The following LRRC71 variants were observed in gnomAD, a reference collection of about 807,000 sequenced individuals.
LRRC71 encodes the protein leucine rich repeat containing 71.
LRRC71 carries 54 observed loss-of-function variants against 66.6 expected under a neutral mutation model. That is an observed-to-expected ratio of 0.81 (90% CI 0.65 to 1.02). The LOEUF (loss-of-function observed/expected upper bound fraction) is 1.02. LRRC71 is among the 50% of genes least tolerant of loss of function. The pLI is 0.00. For synonymous variants in LRRC71, 323 were observed against 303.9 expected (o/e 1.06, Z -0.65); for missense variants, 724 against 718.0 (o/e 1.01, Z -0.10).
rs1652892046 is a variant in LRRC71, at chr1:156,924,530, A to G, written c.417A>G (p.Ser139=). 6.4e-7 allele frequency: 1 copy of G among 1,551,410 alleles called. No homozygotes were observed. The highest frequency in any genetic ancestry group is 8.7e-7 in the Non-Finnish European group (1 of 1,146,966). Residue 139 remains serine (S), a synonymous_variant, in exon 3 of 15, where the codon TCA becomes TCG. Transcript: ENST00000337428. ...AGCTGGAGCAGGAGGACAGCAAGTC[A>G]GTGAAGGAAATCTACATCCGCGGTG... ...QVELEQEDSK[S]VKEIYIRGWK... is the part of the protein sequence containing the mutation.
rs201658972 is a variant in LRRC71 at position 156,925,102 on chromosome 1, G to A, written c.593+87G>A. 794 of 1,297,272 alleles carry A rather than the reference G, an allele frequency of 6.1e-4. 14 individuals are homozygous for A. In the East Asian group the frequency reaches 0.019, roughly 31 times the overall value. 80.4% of individuals were successfully genotyped at this position (1,297,272 alleles called of 1,614,324 possible). A position where few individuals can be genotyped will look rare whatever the true frequency, so the allele number is the denominator to read the frequency against. ...AGCAGTGTGGGGATGGAAGTGGCAG[G>A]TCCCAGCTCCTGTGGGCCTGCCTGG... is the stretch of plus-strand genomic sequence containing the variant. On this transcript the variant is annotated intron_variant, in intron 5 of 14. Transcript: ENST00000337428.
downstream of LRRC71, chr1:156,936,750 T>C (rs2101729158): frequency 6.5e-7 from 1 of 1,526,946 alleles, no homozygotes; most frequent in South Asian, 1.3e-5. Context: ...CTTAGTGATG[T>C]GTCCTCACGA....
rs746185801 is a variant in LRRC71, at chr1:156,932,580, C to T, written c.1563+35C>T. Reference sequence around the variant, plus strand: ...TTTCACTCTCTCCTGCTGAAGCAGACGTTGCCCCTATCAGCTGTCATACTA... The same window carrying T: ...TTTCACTCTCTCCTGCTGAAGCAGATGTTGCCCCTATCAGCTGTCATACTA... On this transcript the variant is annotated intron_variant, in intron 14 of 14. Coordinates refer to ENST00000337428, the MANE Select transcript of LRRC71 (RefSeq NM_144702.3). The T allele has an allele frequency of 3.8e-5, 61 of 1,613,962 alleles. 1 individual carries two copies. In the Middle Eastern group the frequency reaches 3.6e-3, roughly 96 times the overall value.
chr1:156,938,683 G>GA, the LRRC71 span: 1 of 548,148 alleles, frequency 1.8e-6, no homozygotes, highest in East Asian at 3.2e-5. Flanking sequence ...GCAGTGCAGA[G>GA]AACTTTCCAC....
chr1:156,937,986 C>T (rs1655863852), downstream of LRRC71, among the ~76,000 whole-genome samples: 1 of 152,170 alleles, frequency 6.6e-6, no homozygotes, highest in African/African-American at 2.4e-5. Context: ...GGAGGAAGGA[C>T]GTGGAGGGTT....
At position 156,929,724 on chromosome 1, in the gene LRRC71, A is replaced by G. The variant is rs1653984483; in HGVS notation, c.1235A>G (p.Lys412Arg). ...AAGGAAGATGCCACAAAGGCAGGCA[A>G]GGGGAGTAAGTGCGGGTGCCCCTGG... Reference protein sequence around the residue: ...PKKEDATKAGKGKVTIPEQKP... With the variant: ...PKKEDATKAGRGKVTIPEQKP... Residue 412 changes from lysine (K) to arginine (R), a missense_variant, in exon 11 of 15, where the codon AAG (lysine) becomes AGG (arginine). Lys to Arg is a conservative substitution (Grantham distance 26). Transcript: ENST00000337428. 1 of 1,563,062 alleles carries G rather than the reference A, an allele frequency of 6.4e-7. No individual in the cohort carries two copies. Among genetic ancestry groups the G allele is most frequent in the Non-Finnish European group, 8.7e-7 (1 of 1,153,954 alleles).
downstream of LRRC71, chr1:156,937,289 T>C (rs945508): frequency 0.58 from 938,625 of 1,613,742 alleles, 280,324 homozygotes; most frequent in East Asian, 0.87. Flanking sequence ...CTCAATGGTA[T>C]GGAAGATCAT....
At chr1:156,923,405 A>G (rs748984723) in intron 1 of LRRC71, among the ~76,000 whole-genome samples, 1 of 152,266 alleles carries the variant, frequency 6.6e-6, no homozygotes, top group African/African-American at 2.4e-5. Flanking sequence ...ATGAGTTAAT[A>G]TTTCTAAAGC....
chr1:156,936,800 A>C (rs1169903976), downstream of LRRC71: 4 of 1,609,094 alleles, frequency 2.5e-6, no homozygotes, highest in Non-Finnish European at 3.4e-6. Flanking sequence ...ACCGAGAGGG[A>C]CCTGGCTTCA....
chr1:156,927,419 G>T (rs1653370419), intron 6 of LRRC71, 77 bp from the exon 7 acceptor site: 1 of 1,516,382 alleles, frequency 6.6e-7, no homozygotes, highest in Admixed American at 2.0e-5. Flanking sequence ...GCCCCCTCAA[G>T]CGCTCAAGTC....
chr1:156,932,840 C>CT lies in LRRC71; in HGVS notation c.1564-9dup. On this transcript the variant is annotated splice_polypyrimidine_tract_variant and intron_variant, in intron 14 of 14. Transcript: ENST00000337428. ...TTCCTCTTGTCAGATGTCAGCCTTCCTTTTCTTTTCAGAAAAATTGCTTCG... is the reference window on the plus strand; with the variant it reads ...TTCCTCTTGTCAGATGTCAGCCTTCCTTTTTCTTTTCAGAAAAATTGCTTCG... 2 of 1,601,994 alleles carry CT rather than the reference C, an allele frequency of 1.2e-6. No individual in the cohort carries two copies. Among genetic ancestry groups the CT allele is most frequent in the Non-Finnish European group, 1.7e-6 (2 of 1,174,058 alleles).
chr1:156,927,486 G>A lies in LRRC71; in HGVS notation c.663-10G>A. 6.6e-7 allele frequency: 1 copy of A among 1,521,616 alleles called. No homozygotes were observed. The highest frequency in any genetic ancestry group is 8.8e-7 in the Non-Finnish European group (1 of 1,135,692). 94.3% of individuals were successfully genotyped at this position (1,521,616 alleles called of 1,614,324 possible). Reference sequence around the variant, plus strand: ...TCCAGCGACCCACATTCTCCCTCCGGCTGCCCCAGGATTGCGCACTTGTCT... The same window carrying A: ...TCCAGCGACCCACATTCTCCCTCCGACTGCCCCAGGATTGCGCACTTGTCT... On this transcript the variant is annotated splice_polypyrimidine_tract_variant and intron_variant, in intron 6 of 14. Coordinates refer to ENST00000337428, the MANE Select transcript of LRRC71 (RefSeq NM_144702.3).
intron 2 of LRRC71, 35 bp from the exon 3 acceptor site, chr1:156,924,389 G>A (rs1356868747): frequency 2.6e-6 from 4 of 1,541,126 alleles, no homozygotes; most frequent in African/African-American, 2.7e-5. Context: ...CCCTGGAGGT[G>A]GCTGTTCCCC....
intron 14 of LRRC71, 51 bp from the exon 15 acceptor site, chr1:156,932,802 G>A (rs1654586799): frequency 6.8e-7 from 1 of 1,461,280 alleles, no homozygotes; most frequent in Admixed American, 1.9e-5. Flanking sequence ...TTCTGCCAGA[G>A]GACTAATCTT....
rs781045891 is a variant in LRRC71 at position 156,927,490 on chromosome 1, C to A, written c.663-6C>A. 3.3e-6 allele frequency: 5 copies of A among 1,524,746 alleles called. No homozygotes were observed. The East Asian group carries it at 6.8e-5, about 21-fold the overall frequency. 94.5% of individuals were successfully genotyped at this position (1,524,746 alleles called of 1,614,324 possible). On this transcript the variant is annotated splice_region_variant and splice_polypyrimidine_tract_variant and intron_variant, in intron 6 of 14. Transcript: ENST00000337428. ...GCGACCCACATTCTCCCTCCGGCTG[C>A]CCCAGGATTGCGCACTTGTCTCTGC...
At chr1:156,926,786 G>C (rs1181704097) in intron 5 of LRRC71, among the ~76,000 whole-genome samples, 1 of 152,138 alleles carries the variant, frequency 6.6e-6, no homozygotes. Flanking sequence ...CTGTTGCCCA[G>C]GCTGGTCTCG....
the LRRC71 span, chr1:156,938,911 G>A: frequency 9.7e-6 from 2 of 205,774 alleles, no homozygotes; most frequent in Non-Finnish European, 9.6e-6. Flanking sequence ...TTCCCGGGGT[G>A]GGGACCTTCC....
chr1:156,930,139 C>T (rs1323062735), intron 11 of LRRC71, among the ~76,000 whole-genome samples: 2 of 133,994 alleles, frequency 1.5e-5, no homozygotes, highest in Non-Finnish European at 3.1e-5. Flanking sequence ...GTTGCCCAGG[C>T]TGGAGTGCAG....
downstream of LRRC71, among the ~76,000 whole-genome samples, chr1:156,937,729 G>C (rs1655789251): frequency 6.6e-6 from 1 of 152,194 alleles, no homozygotes; most frequent in Non-Finnish European, 1.5e-5. Flanking sequence ...GAGATGCTGA[G>C]CGATGAACTC....
Sources: allele counts gnomAD v4.1 joint callset (sites outside exome capture counted in the v4.1 genomes callset), GRCh38; gene constraint gnomAD v4.1.1; transcripts MANE v1.5; gene names NCBI Gene and HGNC (gene_info 2026-07-23, HGNC 2026-07-21).